Variants in KIAA0825 observed in about 807,000 individuals in gnomAD.
The protein encoded by KIAA0825 is uncharacterized protein KIAA0825.
A neutral mutation model predicts 147.6 loss-of-function variants in KIAA0825; 119 were observed. The observed-to-expected ratio is 0.81, with a 90% confidence interval of 0.69 to 0.94. KIAA0825 has a LOEUF of 0.94. KIAA0825 is among the 40% of genes least tolerant of loss of function. KIAA0825 has a pLI of 0.00. For synonymous variants in KIAA0825, 470 were observed against 518.1 expected (o/e 0.91, Z 1.26); for missense variants, 1,381 against 1,472.7 (o/e 0.94, Z 1.02).
At chr5:94,357,397 A>AT (rs1389316319) in intron 20 of KIAA0825, among the ~76,000 whole-genome samples, 1 of 152,218 alleles carries the variant, frequency 6.6e-6, no homozygotes, top group Non-Finnish European at 1.5e-5. Context: ...ATGAATACAA[A>AT]TTTTTATGAA....
intron 2 of KIAA0825, among the ~76,000 whole-genome samples, chr5:94,542,062 C>G (rs1773429019): frequency 6.6e-6 from 1 of 152,164 alleles, no homozygotes; most frequent in South Asian, 2.1e-4. Context: ...TTGTCATCCA[C>G]AGACAATTGT....
rs556553967 is a variant in KIAA0825 at position 94,562,099 on chromosome 5, G to A, written c.-2+20334C>T. On this transcript the variant is annotated intron_variant, in intron 2 of 20. Coordinates refer to ENST00000682413, the MANE Select transcript of KIAA0825 (RefSeq NM_001145678.3). ...TTTTTAGTTTTCATCTACAAAAAAA[G>A]GATGTTAGATAAAAACAATTTTTAA... Among the ~76,000 whole-genome samples, 22 of 152,088 alleles carry A rather than the reference G, an allele frequency of 1.4e-4. No homozygotes were observed. The South Asian group carries it at 4.4e-3, about 30-fold the overall frequency.
chr5:94,569,009 C>T, intron 2 of KIAA0825: 1 of 168,634 alleles, frequency 5.9e-6, no homozygotes, highest in South Asian at 1.8e-4. Context: ...GTAACTACCA[C>T]CAATCAATGC....
intron 7 of KIAA0825, among the ~76,000 whole-genome samples, 170 bp downstream of exon 7, chr5:94,476,941 C>T (rs530797625): frequency 2.0e-5 from 3 of 152,112 alleles, no homozygotes; most frequent in East Asian, 3.9e-4. Context: ...AGCATCCCCA[C>T]TAAAGTGAAT....
chr5:94,374,660 G>T (rs1286210466), intron 20 of KIAA0825, among the ~76,000 whole-genome samples: 5 of 152,104 alleles, frequency 3.3e-5, no homozygotes, highest in Admixed American at 1.3e-4. Context: ...TTTTCTAGTG[G>T]GTGACTTTAG....
At chr5:94,179,422 G>A (rs1326632541) in intron 20 of KIAA0825, among the ~76,000 whole-genome samples, 1 of 152,172 alleles carries the variant, frequency 6.6e-6, no homozygotes, top group African/African-American at 2.4e-5. Flanking sequence ...CTGGAAAGAA[G>A]TGTTTTGACT....
chr5:94,301,859 C>T (rs1261578432), intron 20 of KIAA0825, among the ~76,000 whole-genome samples: 2 of 152,112 alleles, frequency 1.3e-5, no homozygotes, highest in Non-Finnish European at 2.9e-5. Flanking sequence ...TAACATAAAA[C>T]AGGTTTTGAT....
At chr5:94,186,427 G>T (rs569406483) in intron 20 of KIAA0825, among the ~76,000 whole-genome samples, 1 of 152,128 alleles carries the variant, frequency 6.6e-6, no homozygotes, top group Non-Finnish European at 1.5e-5. Context: ...AAGTAAAGAG[G>T]TAAAAAGAGA....
At chr5:94,383,596 T>A (rs1022681461) in intron 20 of KIAA0825, among the ~76,000 whole-genome samples, 1 of 152,178 alleles carries the variant, frequency 6.6e-6, no homozygotes, top group Non-Finnish European at 1.5e-5. Flanking sequence ...ATATCTTATT[T>A]GAAAATGTAT....
chr5:94,391,632 G>A lies in KIAA0825; in HGVS notation c.3359C>T (p.Thr1120Ile). ...GACCATCGTGTTTATTTTCTGCTCAGTCAGTTCAAGAGCAACATCTCCTTC... is the reference window on the plus strand; with the variant it reads ...GACCATCGTGTTTATTTTCTGCTCAATCAGTTCAAGAGCAACATCTCCTTC... The part of the protein sequence containing the change: ...LQEGDVALEL[T>I]EQKINTMVLD... Residue 1120 changes from threonine (T) to isoleucine (I), a missense_variant, in exon 18 of 21, where the codon ACT becomes ATT. Physicochemically the swap from Thr to Ile is moderately conservative, Grantham distance 89. Coordinates refer to ENST00000682413, the MANE Select transcript of KIAA0825 (RefSeq NM_001145678.3). 2 of 1,551,522 alleles carry A rather than the reference G, an allele frequency of 1.3e-6. No homozygotes were observed. The highest frequency in any genetic ancestry group is 1.7e-6 in the Non-Finnish European group (2 of 1,146,882).
At chr5:94,281,193 G>A (rs1777445653) in intron 20 of KIAA0825, among the ~76,000 whole-genome samples, 1 of 120,196 alleles carries the variant, frequency 8.3e-6, no homozygotes, top group African/African-American at 3.0e-5. Context: ...AAACATAAGT[G>A]ATTTAACACA....
intron 20 of KIAA0825, among the ~76,000 whole-genome samples, chr5:94,231,947 C>T (rs1011397221): frequency 6.6e-6 from 1 of 152,188 alleles, no homozygotes; most frequent in Non-Finnish European, 1.5e-5. Context: ...GGAAGCCTAT[C>T]GTATCTGTAC....
intron 20 of KIAA0825, among the ~76,000 whole-genome samples, chr5:94,202,444 T>C (rs939606687): frequency 1.3e-5 from 2 of 152,156 alleles, no homozygotes; most frequent in African/African-American, 4.8e-5. Flanking sequence ...AAGAGATAAA[T>C]TATACCAGCG....
At chr5:94,260,136 C>A (rs2150130988) in intron 20 of KIAA0825, among the ~76,000 whole-genome samples, 1 of 152,116 alleles carries the variant, frequency 6.6e-6, no homozygotes, top group African/African-American at 2.4e-5. Context: ...GACTACTGTT[C>A]CTAGTAGCAA....
intron 20 of KIAA0825, among the ~76,000 whole-genome samples, chr5:94,258,855 T>C (rs1776364787): frequency 6.6e-6 from 1 of 152,040 alleles, no homozygotes; most frequent in Non-Finnish European, 1.5e-5. Flanking sequence ...AGAATGGTTG[T>C]TATTGCATAA....
chr5:94,421,692 T>C (rs1288244330), intron 14 of KIAA0825, among the ~76,000 whole-genome samples: 1 of 152,214 alleles, frequency 6.6e-6, no homozygotes, highest in Non-Finnish European at 1.5e-5. Flanking sequence ...ATCAAAATAC[T>C]TCCTAGAATA....
At chr5:94,358,442 A>G (rs1333189910) in intron 20 of KIAA0825, among the ~76,000 whole-genome samples, 2 of 152,222 alleles carry the variant, frequency 1.3e-5, no homozygotes, top group Non-Finnish European at 1.5e-5. Flanking sequence ...AGGCCTTTAT[A>G]CTATGGCTTC....
At chr5:94,574,426 C>A (rs527423163) in intron 2 of KIAA0825, among the ~76,000 whole-genome samples, 12 of 151,568 alleles carry the variant, frequency 7.9e-5, no homozygotes, top group Non-Finnish European at 1.5e-4. Context: ...TGCCTGTAAT[C>A]CCAGCTACTC....
At position 94,403,596 on chromosome 5, in the gene KIAA0825, C is replaced by A; in HGVS notation, c.2860G>T (p.Glu954Ter). The A allele has an allele frequency of 6.4e-7, 1 of 1,551,388 alleles. No homozygotes were observed. Among genetic ancestry groups the A allele is most frequent in the Non-Finnish European group, 8.7e-7 (1 of 1,146,820 alleles). ...MPKEWNYSPK[E>*]TNRKESCKSF... ...TTGCATGATTCTTTCCTGTTAGTTT[C>A]TTTTGGACTATAATTCCATTCCTTT... The change falls in exon 16 of 21, where the codon GAA becomes TAA. Residue 954 changes from glutamate (E) to a stop codon, truncating the protein, a stop_gained. Transcript: ENST00000682413. LOFTEE classifies it high-confidence loss of function.
Sources: gnomAD v4.1 joint callset for allele counts (sites outside exome capture counted in the v4.1 genomes callset) on GRCh38, gnomAD v4.1.1 for gene constraint, MANE v1.5 for transcripts, NCBI Gene and HGNC (gene_info 2026-07-23, HGNC 2026-07-21) for gene names.